Variants in DEDD2 observed in about 807,000 individuals in gnomAD.
The protein encoded by DEDD2 is death effector domain containing 2.
In DEDD2, 18 loss-of-function variants were observed where a neutral mutation model predicts 28.9. The ratio of observed to expected loss-of-function variants is 0.62; its 90% CI spans 0.43 to 0.92. The LOEUF (loss-of-function observed/expected upper bound fraction) is 0.92. DEDD2 is among the 40% of genes least tolerant of loss of function. The pLI is 0.00. For missense variants in DEDD2, 411 were observed against 463.3 expected, an observed-to-expected ratio of 0.89 and a Z score of 1.04; for synonymous variants, 211 against 206.1, an observed-to-expected ratio of 1.02 and a Z score of -0.20.
chr19:42,210,298 T>C (rs2035704181), intron 3 of DEDD2, among the ~76,000 whole-genome samples: 1 of 152,116 alleles, frequency 6.6e-6, no homozygotes, highest in Non-Finnish European at 1.5e-5. Context: ...AGATTATATA[T>C]ATCTGCAAAA....
At chr19:42,207,088 GCCTGGTGGC>G (rs1443248506) in intron 4 of DEDD2, among the ~76,000 whole-genome samples, 3 of 152,100 alleles carry the variant, frequency 2.0e-5, no homozygotes, top group Non-Finnish European at 2.9e-5. Flanking sequence ...TGCCCAGCCA[GCCTGGTGGC>G]TCTGGGAATT....
rs2035212602 is a variant in DEDD2 at position 42,198,959 on chromosome 19, T to C, written c.*479A>G. 1 of 155,766 alleles carries C rather than the reference T, an allele frequency of 6.4e-6. No homozygotes were observed. Among genetic ancestry groups the C allele is most frequent in the Non-Finnish European group, 1.4e-5 (1 of 70,368 alleles). 9.6% of individuals were successfully genotyped at this position (155,766 alleles called of 1,614,324 possible). ...CTGATGTGGCTGAAGCCCAGGTTGG[T>C]TGTGGTCAAATTAGAGGTCCTGAGA... On this transcript the variant is annotated 3_prime_UTR_variant, in exon 5 of 5. Coordinates refer to ENST00000596251, the MANE Select transcript of DEDD2 (RefSeq NM_133328.4).
chr19:42,199,987 C>T lies in DEDD2; in HGVS notation c.590-158G>A, dbSNP rs1158144577. 1.3e-5 allele frequency among the ~76,000 whole-genome samples: 2 copies of T among 152,206 alleles called. No individual in the cohort carries two copies. Among genetic ancestry groups the T allele is most frequent in the Admixed American group, 1.3e-4 (2 of 15,286 alleles). ...TCCCCGGCTCTGTGGGGTTCCCTGA[C>T]CAAGTACGTCCTCCTCTTCTCCAGC... On this transcript the variant is annotated intron_variant, in intron 4 of 4. Coordinates refer to ENST00000596251, the MANE Select transcript of DEDD2 (RefSeq NM_133328.4). The surrounding 1 kb of genome is among the most constrained non-coding windows in gnomAD (Gnocchi z 7.4).
intron 4 of DEDD2, 71 bp downstream of exon 4, chr19:42,209,629 G>T: frequency 6.6e-7 from 1 of 1,506,646 alleles, no homozygotes. Context: ...CCAGAAAAAT[G>T]CTCATTTCTC....
intron 4 of DEDD2, among the ~76,000 whole-genome samples, chr19:42,206,155 T>C (rs1368678771): frequency 6.6e-6 from 1 of 150,584 alleles, no homozygotes; most frequent in African/African-American, 2.4e-5. Flanking sequence ...CCAACTGCTT[T>C]CCATAATAAA....
upstream of DEDD2, chr19:42,217,898 T>A (rs889520188): frequency 6.6e-6 from 1 of 152,310 alleles, no homozygotes; most frequent in African/African-American, 2.4e-5. Flanking sequence ...CGCCGCCTCT[T>A]GGGCTGTATC....
chr19:42,217,024 C>G lies in DEDD2; in HGVS notation c.-17G>C. ...TAGCGCCATTCCCGGGGGAGGGAGG[C>G]GGAACAAGCTCAGAACCCGGCCTAG... On this transcript the variant is annotated 5_prime_UTR_variant, in exon 2 of 5. Transcript: ENST00000596251. 1 of 1,563,910 alleles carries G rather than the reference C, an allele frequency of 6.4e-7. No homozygotes were observed. Among genetic ancestry groups the G allele is most frequent in the Non-Finnish European group, 8.7e-7 (1 of 1,154,892 alleles).
At chr19:42,208,469 A>C (rs2035620125) in intron 4 of DEDD2, among the ~76,000 whole-genome samples, 1 of 152,236 alleles carries the variant, frequency 6.6e-6, no homozygotes, top group Admixed American at 6.5e-5. Context: ...CTAGAAGCCC[A>C]GTGCATCCTA....
chr19:42,211,724 G>C (rs546986594), intron 3 of DEDD2, among the ~76,000 whole-genome samples: 3 of 152,254 alleles, frequency 2.0e-5, no homozygotes, highest in African/African-American at 7.2e-5. Context: ...TTATTAAGAG[G>C]AAAGACTTTT....
intron 4 of DEDD2, among the ~76,000 whole-genome samples, chr19:42,205,907 G>A (rs2035514213): frequency 6.6e-6 from 1 of 152,024 alleles, no homozygotes; most frequent in Non-Finnish European, 1.5e-5. Context: ...AACAGGGCAA[G>A]ATCCTGCCTC....
intron 4 of DEDD2, chr19:42,201,918 C>T (rs546081346): frequency 1.5e-5 from 6 of 398,396 alleles, no homozygotes; most frequent in African/African-American, 1.2e-4. Context: ...CTGGGAGGAG[C>T]AGCACCTCTT....
At chr19:42,210,859 A>G (rs1234919953) in intron 3 of DEDD2, among the ~76,000 whole-genome samples, 1 of 151,844 alleles carries the variant, frequency 6.6e-6, no homozygotes, top group Non-Finnish European at 1.5e-5. Context: ...ACTTGAGATC[A>G]GGAGTTCGAG....
rs1253079138 is a variant in DEDD2 at position 42,199,276 on chromosome 19, C to G, written c.*162G>C. On this transcript the variant is annotated 3_prime_UTR_variant, in exon 5 of 5. Coordinates refer to ENST00000596251, the MANE Select transcript of DEDD2 (RefSeq NM_133328.4). This position sits in a 1 kb window ranked among gnomAD's most constrained non-coding sequence, Gnocchi z 7.4. ...GCTGGAAATGGTTTAGGCCTCAGAG[C>G]CCACATCCTGTGGGAGGGGCTGTCA... 3 of 1,108,702 alleles carry G rather than the reference C, an allele frequency of 2.7e-6. No individual in the cohort carries two copies. Among genetic ancestry groups the G allele is most frequent in the Non-Finnish European group, 3.7e-6 (3 of 803,790 alleles). The allele number at this position is 1,108,702 out of a possible 1,614,324, so 68.7% of individuals were successfully genotyped here.
intron 4 of DEDD2, 100 bp downstream of exon 4, chr19:42,209,600 G>A (rs551284185): frequency 1.4e-6 from 2 of 1,456,352 alleles, no homozygotes; most frequent in East Asian, 2.5e-5. Flanking sequence ...ACACCCATCT[G>A]CCAAGTGTGT....
At chr19:42,210,443 G>T (rs1210137516) in intron 3 of DEDD2, among the ~76,000 whole-genome samples, 1 of 151,888 alleles carries the variant, frequency 6.6e-6, no homozygotes, top group Non-Finnish European at 1.5e-5. Context: ...GCTCAGGCTG[G>T]AGTGCAATGG....
At chr19:42,209,616 C>A in intron 4 of DEDD2, 84 bp downstream of exon 4, 1 of 1,495,576 alleles carries the variant, frequency 6.7e-7, no homozygotes, top group Non-Finnish European at 8.9e-7. Flanking sequence ...TGTGTCACAT[C>A]CCCCAGAAAA....
chr19:42,218,552 C>A (rs1292690053), upstream of DEDD2, among the ~76,000 whole-genome samples: 1 of 152,136 alleles, frequency 6.6e-6, no homozygotes, highest in African/African-American at 2.4e-5. Context: ...TACCGCGGGG[C>A]CTTGGGTGTG....
Position 42,199,273 on chromosome 19 carries a change from G to C in DEDD2, c.*165C>G. On this transcript the variant is annotated 3_prime_UTR_variant, in exon 5 of 5. Coordinates refer to ENST00000596251, the MANE Select transcript of DEDD2 (RefSeq NM_133328.4). This position sits in a 1 kb window ranked among gnomAD's most constrained non-coding sequence, Gnocchi z 7.4. ...TCAGCTGGAAATGGTTTAGGCCTCA[G>C]AGCCCACATCCTGTGGGAGGGGCTG... 9.3e-7 allele frequency: 1 copy of C among 1,070,782 alleles called. No individual in the cohort carries two copies. The highest frequency in any genetic ancestry group is 1.3e-6 in the Non-Finnish European group (1 of 770,136). 66.3% of individuals were successfully genotyped at this position (1,070,782 alleles called of 1,614,324 possible).
intron 4 of DEDD2, among the ~76,000 whole-genome samples, chr19:42,206,925 C>A (rs1336446065): frequency 6.6e-6 from 1 of 152,192 alleles, no homozygotes; most frequent in Non-Finnish European, 1.5e-5. Context: ...ACTCCAGCCC[C>A]ACCCTGCCTG....
Sources: allele counts gnomAD v4.1 joint callset (sites outside exome capture counted in the v4.1 genomes callset), GRCh38; gene constraint gnomAD v4.1.1; non-coding constraint Gnocchi (gnomAD v3.1); transcripts MANE v1.5; gene names NCBI Gene and HGNC (gene_info 2026-07-23, HGNC 2026-07-21).